The following AK9 variants were observed in gnomAD, a reference collection of about 807,000 sequenced individuals.
The protein encoded by AK9 is adenylate kinase 9, also known as adenylate kinase domain containing 1.
Under a neutral mutation model 239.6 loss-of-function variants are expected in AK9, and 191 were observed. The observed-to-expected ratio is 0.80, with a 90% CI of 0.71 to 0.90. AK9 has a LOEUF of 0.90. Among genes scored for constraint, AK9 ranks in the 40% least tolerant of loss-of-function variants. AK9 has a pLI of 0.00. For missense variants in AK9, 1,995 were observed against 2,214.7 expected, an observed-to-expected ratio of 0.90 and a Z score of 1.99; for synonymous variants, 689 against 721.0, an observed-to-expected ratio of 0.96 and a Z score of 0.71.
intron 18 of AK9, 112 bp downstream of exon 18, chr6:109,585,804 T>C: frequency 2.0e-6 from 2 of 999,326 alleles, no homozygotes; most frequent in Non-Finnish European, 2.8e-6. Context: ...CAGGGATTGC[T>C]GGGGTGGGTA....
chr6:109,651,342 C>T (rs1295596818), intron 8 of AK9, among the ~76,000 whole-genome samples: 1 of 151,988 alleles, frequency 6.6e-6, no homozygotes, highest in Non-Finnish European at 1.5e-5. Context: ...GAAATGAAGG[C>T]AGAAATAAAG....
chr6:109,517,365 G>A (rs191807082), intron 29 of AK9, among the ~76,000 whole-genome samples: 1 of 152,236 alleles, frequency 6.6e-6, no homozygotes, highest in East Asian at 1.9e-4. Flanking sequence ...GCCCCAAAGT[G>A]GTCCCATAAA....
At chr6:109,550,371 A>G in intron 24 of AK9, 69 bp from the exon 25 acceptor site, 1 of 1,388,530 alleles carries the variant, frequency 7.2e-7, no homozygotes, top group East Asian at 2.3e-5. Context: ...TAATTTTTTA[A>G]AATGCTTCTT....
intron 17 of AK9, among the ~76,000 whole-genome samples, chr6:109,587,352 C>A (rs1219867155): frequency 6.6e-6 from 1 of 152,032 alleles, no homozygotes; most frequent in Non-Finnish European, 1.5e-5. Context: ...ATTTCTCCAC[C>A]TCATTCAACT....
At chr6:109,680,828 G>A (rs528720953) in intron 1 of AK9, among the ~76,000 whole-genome samples, 4 of 152,196 alleles carry the variant, frequency 2.6e-5, no homozygotes, top group African/African-American at 9.6e-5. Context: ...AATTTTCAAC[G>A]CAGAATTTCA....
chr6:109,527,189 C>T (rs369047880), intron 29 of AK9, among the ~76,000 whole-genome samples: 1 of 152,174 alleles, frequency 6.6e-6, no homozygotes, highest in East Asian at 1.9e-4. Context: ...GACTACAGGT[C>T]CACAAGATGG....
intron 1 of AK9, among the ~76,000 whole-genome samples, chr6:109,682,475 A>G (rs1772821620): frequency 6.7e-6 from 1 of 149,894 alleles, no homozygotes; most frequent in African/African-American, 2.5e-5. Flanking sequence ...TTTTTTGAAA[A>G]GATCAACAAA....
rs1318875990 is a variant in AK9, at chr6:109,632,939, T to C, written c.1238A>G (p.Glu413Gly). Residue 413 changes from glutamate (E) to glycine (G), a missense_variant, in exon 12 of 41, where the codon GAA (glutamate) becomes GGA (glycine). Physicochemically the swap from Glu to Gly is moderately conservative, Grantham distance 98. This residue lies in a region of AK9 where 1,290 missense variants were observed against 1,392.7 expected (regional missense o/e 0.93). Transcript: ENST00000424296. ...GTTAGTCACCTTTCCTTTGTAATTT[T>C]CTGCAAGCATATTGCAAAGTGTTGT... ...GKTTLCNMLA[E>G]NYKGKVVDYA... The C allele has an allele frequency of 6.2e-7, 1 of 1,613,510 alleles. No individual in the cohort carries two copies. Among genetic ancestry groups the C allele is most frequent in the Admixed American group, 1.7e-5 (1 of 59,856 alleles).
At position 109,494,057 on chromosome 6, in the gene AK9, C is replaced by T. The variant is rs192902118; in HGVS notation, c.5457G>A (p.Ala1819=). The change falls in exon 40 of 41, where the codon GCG becomes GCA. Residue 1819 remains alanine, a synonymous_variant. Coordinates refer to ENST00000424296, the MANE Select transcript of AK9 (RefSeq NM_001145128.3). ...AGGGGAACTTGGGCTTTAAGCATCC[C>T]GCTGCATTCATTGCTTTAATTAGAG... ...ATSLIKAMNA[A]GCLKPKFPFL... is the part of the protein sequence containing the mutation. 2.2e-4 allele frequency: 358 copies of T among 1,613,464 alleles called. 1 individual carries two copies. Among genetic ancestry groups the T allele is most frequent in the African/African-American group, 2.5e-4 (19 of 75,026 alleles).
chr6:109,517,313 A>T (rs1246809670), intron 29 of AK9, among the ~76,000 whole-genome samples: 1 of 152,174 alleles, frequency 6.6e-6, no homozygotes, highest in African/African-American at 2.4e-5. Context: ...ATTGTTTAAA[A>T]ATTTCTTTGG....
At chr6:109,665,171 A>G (rs1311199032) in intron 5 of AK9, among the ~76,000 whole-genome samples, 8 of 152,228 alleles carry the variant, frequency 5.3e-5, no homozygotes, top group Non-Finnish European at 1.2e-4. Flanking sequence ...GTTGGGCTCT[A>G]TCCAGAGAAG....
intron 29 of AK9, among the ~76,000 whole-genome samples, chr6:109,519,620 C>A (rs1447040119): frequency 6.6e-6 from 1 of 151,958 alleles, no homozygotes; most frequent in African/African-American, 2.4e-5. Context: ...AATGGTTAAA[C>A]CCTGTCTCTC....
chr6:109,602,019 C>G (rs1194295505), intron 17 of AK9, among the ~76,000 whole-genome samples: 1 of 152,162 alleles, frequency 6.6e-6, no homozygotes, highest in African/African-American at 2.4e-5. Flanking sequence ...TGGGTCTTGA[C>G]TCTTTATCCA....
At chr6:109,690,397 G>A (rs1774170098) in intron 1 of AK9, 1 of 152,222 alleles carries the variant, frequency 6.6e-6, no homozygotes, top group Admixed American at 6.5e-5. Flanking sequence ...CGCAGGAGGC[G>A]GGGTTCCGTG....
intron 17 of AK9, among the ~76,000 whole-genome samples, chr6:109,603,519 AG>A (rs1792377927): frequency 6.6e-6 from 1 of 152,204 alleles, no homozygotes; most frequent in South Asian, 2.1e-4. Flanking sequence ...CTTGGGGGTC[AG>A]GGACCCACTT....
chr6:109,674,730 G>A (rs1234229366), intron 2 of AK9, among the ~76,000 whole-genome samples: 5 of 152,124 alleles, frequency 3.3e-5, no homozygotes, highest in Admixed American at 3.3e-4. Context: ...ATAAAAGGTC[G>A]TTTTGATGAA....
intron 27 of AK9, among the ~76,000 whole-genome samples, chr6:109,536,694 G>T (rs538735241): frequency 1.3e-5 from 2 of 152,246 alleles, no homozygotes; most frequent in East Asian, 3.9e-4. Context: ...TTTTCAAAGG[G>T]AATGCTTCCA....
chr6:109,674,111 A>G, intron 3 of AK9, 87 bp downstream of exon 3: 2 of 1,041,892 alleles, frequency 1.9e-6, no homozygotes, highest in Non-Finnish European at 2.7e-6. Flanking sequence ...TGGTGAGTAT[A>G]TGGGCATTCA....
chr6:109,651,994 A>G (rs1799029737), intron 8 of AK9, among the ~76,000 whole-genome samples: 1 of 152,212 alleles, frequency 6.6e-6, no homozygotes, highest in Non-Finnish European at 1.5e-5. Context: ...AGCTGGTACC[A>G]TTCCTTCTGA....
Sources: gnomAD v4.1 joint callset for allele counts (sites outside exome capture counted in the v4.1 genomes callset) on GRCh38, gnomAD v4.1.1 for gene constraint, gnomAD v4.1.1 regional missense constraint, MANE v1.5 for transcripts, NCBI Gene and HGNC (gene_info 2026-07-23, HGNC 2026-07-21) for gene names.